ARHGAP42: variants seen among roughly 807,000 people sequenced by gnomAD.
The protein encoded by ARHGAP42 is rho GTPase-activating protein 42.
In ARHGAP42, 63 loss-of-function variants were observed where a neutral mutation model predicts 125.0. The ratio of observed to expected loss-of-function variants is 0.50; its 90% CI spans 0.41 to 0.62. The LOEUF is 0.62. Among genes scored for constraint, ARHGAP42 ranks in the 20% least tolerant of loss-of-function variants. The pLI, the probability that ARHGAP42 is intolerant of heterozygous loss-of-function variation, is 0.00. For missense variants in ARHGAP42, 766 were observed against 1,024.2 expected (o/e 0.75, Z 3.44); for synonymous variants, 339 against 351.0 (o/e 0.97, Z 0.38).
chr11:100,893,355 T>C (rs1255663466), intron 4 of ARHGAP42, among the ~76,000 whole-genome samples: 1 of 152,290 alleles, frequency 6.6e-6, no homozygotes, highest in African/African-American at 2.4e-5. Context: ...AACAAATAGA[T>C]AATGCTTCTT....
intron 4 of ARHGAP42, among the ~76,000 whole-genome samples, chr11:100,911,379 G>A (rs1272103608): frequency 2.0e-5 from 3 of 152,138 alleles, no homozygotes; most frequent in Admixed American, 1.3e-4. Context: ...AACCCTAGTA[G>A]AGACCCATAT....
At chr11:100,958,946 T>C (rs763250619) in intron 12 of ARHGAP42, among the ~76,000 whole-genome samples, 4 of 151,964 alleles carry the variant, frequency 2.6e-5, no homozygotes, top group Non-Finnish European at 4.4e-5. Flanking sequence ...TTGATATATA[T>C]TTTTTTGTCT....
intron 3 of ARHGAP42, among the ~76,000 whole-genome samples, chr11:100,795,755 C>T (rs1474063082): frequency 6.6e-6 from 1 of 152,176 alleles, no homozygotes; most frequent in Admixed American, 6.5e-5. Flanking sequence ...GTGATGTTCT[C>T]TGTTTATGAT....
intron 3 of ARHGAP42, among the ~76,000 whole-genome samples, chr11:100,838,337 G>A (rs1447888899): frequency 6.6e-6 from 1 of 152,028 alleles, no homozygotes; most frequent in African/African-American, 2.4e-5. Context: ...TAAGTCCTTT[G>A]TGAGTAAAGA....
chr11:100,913,237 CCG>C (rs1333796224), intron 4 of ARHGAP42, among the ~76,000 whole-genome samples: 1 of 152,098 alleles, frequency 6.6e-6, no homozygotes, highest in African/African-American at 2.4e-5. Flanking sequence ...GGATTTCTCA[CCG>C]CAAGATGGAA....
At chr11:100,948,607 A>G in intron 11 of ARHGAP42, 72 bp downstream of exon 11, 1 of 1,218,748 alleles carries the variant, frequency 8.2e-7, no homozygotes, top group Non-Finnish European at 1.2e-6. Context: ...AATTCTTTTC[A>G]TAGTATACAA....
At chr11:100,703,797 C>T (rs1861435939) in intron 1 of ARHGAP42, among the ~76,000 whole-genome samples, 1 of 152,144 alleles carries the variant, frequency 6.6e-6, no homozygotes, top group South Asian at 2.1e-4. Context: ...TCACAATTTG[C>T]ACTTCTCAGA....
rs141966524 is a variant in ARHGAP42, at chr11:100,960,342, T to C, written c.1225+397T>C. Reference sequence around the variant, plus strand: ...TGATTTGTCACTGCCACAGTTTTGGTACCTTTCTTCGTTTTAATCATGACC... The same window carrying C: ...TGATTTGTCACTGCCACAGTTTTGGCACCTTTCTTCGTTTTAATCATGACC... On this transcript the variant is annotated intron_variant, in intron 13 of 23. Transcript: ENST00000298815. Among the ~76,000 whole-genome samples, 492 of 152,152 alleles carry C rather than the reference T, an allele frequency of 3.2e-3. 3 individuals carry two copies. Among genetic ancestry groups the C allele is most frequent in the African/African-American group, 0.011 (458 of 41,530 alleles).
chr11:100,721,320 A>C (rs1861754363), intron 1 of ARHGAP42, among the ~76,000 whole-genome samples: 1 of 152,086 alleles, frequency 6.6e-6, no homozygotes, highest in East Asian at 1.9e-4. Flanking sequence ...TTTGTTTTAA[A>C]CTGCTTCTAT....
At chr11:100,961,831 C>A in intron 15 of ARHGAP42, 63 bp downstream of exon 15, 1 of 1,358,654 alleles carries the variant, frequency 7.4e-7, no homozygotes. Context: ...TGAGTAGTAA[C>A]CACGTGATTT....
chr11:100,927,831 TC>T (rs1295766971), intron 6 of ARHGAP42, among the ~76,000 whole-genome samples: 2 of 152,188 alleles, frequency 1.3e-5, no homozygotes, highest in Non-Finnish European at 2.9e-5. Context: ...GTTTTATTAA[TC>T]AGTGCACGTA....
At chr11:100,988,366 A>G (rs1209446812) in intron 23 of ARHGAP42, among the ~76,000 whole-genome samples, 1 of 152,172 alleles carries the variant, frequency 6.6e-6, no homozygotes, top group Non-Finnish European at 1.5e-5. Flanking sequence ...TTAACCAACC[A>G]TGGATCAAAA....
chr11:100,780,313 G>T (rs1863277716), intron 2 of ARHGAP42, among the ~76,000 whole-genome samples: 1 of 152,108 alleles, frequency 6.6e-6, no homozygotes, highest in African/African-American at 2.4e-5. Context: ...TCTATGGTTA[G>T]TAAAAAATAA....
chr11:100,933,172 A>G lies in ARHGAP42; in HGVS notation c.614A>G (p.Gln205Arg). ...TCTTTGCAGCTTTTGTCATTTCTTC[A>G]GGGCTTATTTACTTTTTACCATGAG... is the stretch of plus-strand genomic sequence containing the variant. Reference protein sequence around the residue: ...EFVEPLLSFLQGLFTFYHEGY... With the variant: ...EFVEPLLSFLRGLFTFYHEGY... The change falls in exon 7 of 24, where the codon CAG becomes CGG. Residue 205 changes from glutamine to arginine, a missense_variant. Coordinates refer to ENST00000298815, the MANE Select transcript of ARHGAP42 (RefSeq NM_152432.4). 6.5e-7 allele frequency: 1 copy of G among 1,549,158 alleles called. No individual in the cohort carries two copies.
chr11:100,802,535 G>A (rs112217567), intron 3 of ARHGAP42, among the ~76,000 whole-genome samples: 7 of 149,748 alleles, frequency 4.7e-5, no homozygotes, highest in Non-Finnish European at 5.9e-5. Flanking sequence ...AGTGATTTTC[G>A]TGCCTCAGCC....
chr11:100,894,523 A>C (rs959111616), intron 4 of ARHGAP42, among the ~76,000 whole-genome samples: 3 of 152,228 alleles, frequency 2.0e-5, no homozygotes, highest in African/African-American at 7.2e-5. Context: ...ATTGAGATTC[A>C]TTAAGTTTGT....
intron 1 of ARHGAP42, among the ~76,000 whole-genome samples, chr11:100,740,838 T>TA (rs767074733): frequency 6.7e-4 from 101 of 151,860 alleles, no homozygotes; most frequent in Middle Eastern, 3.4e-3. Context: ...CTGGATTATT[T>TA]AAAAAAAATA....
chr11:100,923,771 A>T (rs1867345158), intron 6 of ARHGAP42, among the ~76,000 whole-genome samples: 1 of 152,092 alleles, frequency 6.6e-6, no homozygotes, highest in Non-Finnish European at 1.5e-5. Flanking sequence ...CTTCTTCCAA[A>T]ATATTTTCCC....
chr11:100,962,200 C>T (rs566300089), intron 15 of ARHGAP42, among the ~76,000 whole-genome samples: 37 of 152,060 alleles, frequency 2.4e-4, no homozygotes, highest in Non-Finnish European at 4.3e-4. Context: ...TTGGTGTCTT[C>T]GAGGTCTGCG....
Sources: allele counts gnomAD v4.1 joint callset (sites outside exome capture counted in the v4.1 genomes callset), GRCh38; gene constraint gnomAD v4.1.1; transcripts MANE v1.5; gene names NCBI Gene and HGNC (gene_info 2026-07-23, HGNC 2026-07-21).